The following NCOR1 variants were observed in gnomAD, a reference collection of about 807,000 sequenced individuals.
NCOR1 encodes the protein protein phosphatase 1, regulatory subunit 109.
A neutral mutation model predicts 288.1 loss-of-function variants in NCOR1; 63 were observed. The observed-to-expected ratio is 0.22, with a 90% confidence interval of 0.18 to 0.27. The LOEUF (loss-of-function observed/expected upper bound fraction) is 0.27. NCOR1 is among the 10% of genes least tolerant of loss of function. NCOR1 has a pLI of 1.00. For missense variants in NCOR1, 2,397 were observed against 3,019.2 expected (o/e 0.79, Z 4.83); for synonymous variants, 1,007 against 1,065.9 (o/e 0.94, Z 1.08).
chr17:16,145,450 G>A (rs2077773012), intron 10 of NCOR1, among the ~76,000 whole-genome samples: 1 of 127,310 alleles, frequency 7.9e-6, no homozygotes, highest in Non-Finnish European at 1.9e-5. Context: ...TCTGGGATGT[G>A]GGGAGTGCCT....
At chr17:16,097,973 T>C (rs1376604241) in intron 21 of NCOR1, among the ~76,000 whole-genome samples, 2 of 152,100 alleles carry the variant, frequency 1.3e-5, no homozygotes, top group Non-Finnish European at 2.9e-5. Context: ...GGAGAATTCG[T>C]TGGTGTGAGG....
At chr17:16,040,856 T>C in intron 42 of NCOR1, 1 of 222,506 alleles carries the variant, frequency 4.5e-6, no homozygotes, top group Non-Finnish European at 9.0e-6. Flanking sequence ...ACAGTGAGAC[T>C]CTCCCATCTG....
In NCOR1 at chr17:16,101,651, T is replaced by G. The variant is rs2152998298; in HGVS notation, c.2289A>C (p.Thr763=). 6.2e-7 allele frequency: 1 copy of G among 1,614,202 alleles called. No individual in the cohort carries two copies. The highest frequency in any genetic ancestry group is 1.6e-4 in the Middle Eastern group (1 of 6,062). ...LEPTTETAPS[T]SPSLAVPSTK... is the part of the protein sequence containing the mutation. ...TACTTGGAACTGCTAAGGAGGGAGA[T>G]GTACTGGGTGCAGTTTCCGTGGTGG... is the stretch of plus-strand genomic sequence containing the variant. The change falls in exon 20 of 46, where the codon ACA becomes ACC. Residue 763 remains threonine (T), a synonymous_variant. Transcript: ENST00000268712.
chr17:16,073,745 T>C (rs1238686495), intron 27 of NCOR1, among the ~76,000 whole-genome samples, 176 bp from the exon 28 acceptor site: 2 of 152,270 alleles, frequency 1.3e-5, no homozygotes, highest in East Asian at 3.8e-4. Context: ...CAAATGTGTT[T>C]ATTGATGCCT....
At chr17:16,102,606 T>C (rs1185451587) in intron 19 of NCOR1, among the ~76,000 whole-genome samples, 1 of 151,992 alleles carries the variant, frequency 6.6e-6, no homozygotes, top group African/African-American at 2.4e-5. Flanking sequence ...TAATTTTTTT[T>C]TTTTGGAGGC....
chr17:16,072,180 T>C lies in NCOR1; in HGVS notation c.3860A>G (p.Lys1287Arg). 1.9e-6 allele frequency: 3 copies of C among 1,612,744 alleles called. No homozygotes were observed. The South Asian group carries it at 3.3e-5, about 18-fold the overall frequency. Residue 1287 changes from lysine to arginine, a missense_variant, in exon 29 of 46, where the codon AAA becomes AGA. Lys to Arg is a conservative substitution (Grantham distance 26, BLOSUM62 2). This residue lies in a region of NCOR1 where 1,872 missense variants were observed against 2,187.8 expected (regional missense o/e 0.86). Coordinates refer to ENST00000268712, the MANE Select transcript of NCOR1 (RefSeq NM_006311.4). ...GGAGCCAGACAATACAGTCCTTTCT[T>C]TGAGGTCAGAATGAGGACTCCCCCT... ...LPRGSPHSDLKERTVLSGSIM... is the reference protein window; with the variant it reads ...LPRGSPHSDLRERTVLSGSIM...
At chr17:16,070,086 T>A (rs2152718954) in intron 31 of NCOR1, 79 bp downstream of exon 31, 1 of 1,484,606 alleles carries the variant, frequency 6.7e-7, no homozygotes, top group Non-Finnish European at 9.0e-7. Flanking sequence ...CAATTTGATA[T>A]TTACTACTTG....
In NCOR1 at chr17:16,068,070, G is replaced by T. The variant is rs2061333141; in HGVS notation, c.4565C>A (p.Thr1522Asn). Residue 1522 changes from threonine (T) to asparagine (N), a missense_variant, in exon 32 of 46, where the codon ACC (threonine) becomes AAC (asparagine). Thr to Asn is a moderately conservative substitution (Grantham distance 65, BLOSUM62 0). This residue lies in a region of NCOR1 where 1,872 missense variants were observed against 2,187.8 expected (regional missense o/e 0.86). Coordinates refer to ENST00000268712, the MANE Select transcript of NCOR1 (RefSeq NM_006311.4). ...TGGGATACTTTCCCTCTGGGTAGGG[G>T]TCAGTGTCGATTTCCTTTCATGATT... ...STNHERKSTLTPTQRESIPAK... is the reference protein window; with the variant it reads ...STNHERKSTLNPTQRESIPAK... The T allele has an allele frequency of 6.2e-7, 1 of 1,613,996 alleles. No individual in the cohort carries two copies. Among genetic ancestry groups the T allele is most frequent in the Non-Finnish European group, 8.5e-7 (1 of 1,179,996 alleles).
At chr17:16,141,229 A>G (rs1425615366) in intron 11 of NCOR1, among the ~76,000 whole-genome samples, 1 of 152,160 alleles carries the variant, frequency 6.6e-6, no homozygotes, top group Non-Finnish European at 1.5e-5. Context: ...AATGCACTGA[A>G]AAGCTTGAGT....
chr17:16,203,257 G>A (rs116544174), intron 1 of NCOR1, among the ~76,000 whole-genome samples: 2,862 of 152,222 alleles, frequency 0.019, 59 homozygotes, highest in East Asian at 0.05. Flanking sequence ...CCTACGCACC[G>A]CAAATAAAGT....
chr17:16,051,185 C>T (rs2059268476), intron 40 of NCOR1, among the ~76,000 whole-genome samples: 1 of 152,144 alleles, frequency 6.6e-6, no homozygotes, highest in South Asian at 2.1e-4. Flanking sequence ...CATACTTCAG[C>T]CTTTTATATT....
At chr17:16,145,356 G>A (rs973943080) in intron 10 of NCOR1, among the ~76,000 whole-genome samples, 7 of 150,844 alleles carry the variant, frequency 4.6e-5, no homozygotes, top group Non-Finnish European at 7.4e-5. Flanking sequence ...CTGCCTGGAC[G>A]CCCATCGTCT....
chr17:16,067,905 G>A lies in NCOR1; in HGVS notation c.4730C>T (p.Ala1577Val), dbSNP rs762195093. The A allele has an allele frequency of 1.9e-6, 3 of 1,613,432 alleles. No individual in the cohort carries two copies. The highest frequency in any genetic ancestry group is 1.1e-5 in the South Asian group (1 of 90,960). Residue 1577 changes from alanine (A) to valine (V), a missense_variant, in exon 32 of 46, where the codon GCT becomes GTT. Around this residue, in one of 11 missense-constraint regions of NCOR1, gnomAD observed 1,872 missense variants for 2,187.8 expected, o/e 0.86. Coordinates refer to ENST00000268712, the MANE Select transcript of NCOR1 (RefSeq NM_006311.4). ...TATTTTGTGTTTACCAGGATCCAAAGCCCTGTGAAAAGGCATGGCTGGATC... is the reference window on the plus strand; with the variant it reads ...TATTTTGTGTTTACCAGGATCCAAAACCCTGTGAAAAGGCATGGCTGGATC... ...HLDPAMPFHR[A>V]LDPAAAAYLF...
At chr17:16,046,312 T>G (rs571859491) in intron 42 of NCOR1, among the ~76,000 whole-genome samples, 2 of 152,318 alleles carry the variant, frequency 1.3e-5, no homozygotes, top group Non-Finnish European at 2.9e-5. Context: ...ACATCAACGT[T>G]CATACTAAGT....
chr17:16,146,006 G>C (rs992681469), intron 10 of NCOR1, among the ~76,000 whole-genome samples: 2 of 152,044 alleles, frequency 1.3e-5, no homozygotes, highest in African/African-American at 4.8e-5. Flanking sequence ...CCCCAACCCC[G>C]TGCTCTCTGA....
At chr17:16,101,088 GTTAT>G (rs759539632) in intron 20 of NCOR1, among the ~76,000 whole-genome samples, 158 bp downstream of exon 20, 65 of 152,204 alleles carry the variant, frequency 4.3e-4, no homozygotes, top group Non-Finnish European at 8.2e-4. Flanking sequence ...ATAGTTTGTG[GTTAT>G]TTAAACAGAA....
At chr17:16,045,031 T>G in intron 42 of NCOR1, 1 of 421,066 alleles carries the variant, frequency 2.4e-6, no homozygotes, top group South Asian at 2.3e-5. Flanking sequence ...CAGACTATGG[T>G]CTACCCAAAG....
Position 16,031,123 on chromosome 17 carries a change from T to A in NCOR1, c.*1173A>T, listed in dbSNP as rs1055763473. Reference sequence around the variant, plus strand: ...TTAGTTTAGAATTCAGTCTTTTAAATTATTTGCACCTTGAGACTCTGTGAA... The same window carrying A: ...TTAGTTTAGAATTCAGTCTTTTAAAATATTTGCACCTTGAGACTCTGTGAA... On this transcript the variant is annotated 3_prime_UTR_variant, in exon 46 of 46. Coordinates refer to ENST00000268712, the MANE Select transcript of NCOR1 (RefSeq NM_006311.4). The A allele has an allele frequency of 5.2e-6, 1 of 194,080 alleles. No individual in the cohort carries two copies. The highest frequency in any genetic ancestry group is 2.3e-5 in the African/African-American group (1 of 43,202). 12.0% of individuals were successfully genotyped at this position (194,080 alleles called of 1,614,324 possible).
intron 28 of NCOR1, 132 bp downstream of exon 28, chr17:16,073,297 T>C (rs1567843143): frequency 2.6e-6 from 2 of 770,996 alleles, no homozygotes; most frequent in Non-Finnish European, 3.8e-6. Context: ...ATGACAGAAA[T>C]TGCATACAAC....
Sources: allele counts gnomAD v4.1 joint callset (sites outside exome capture counted in the v4.1 genomes callset), GRCh38; gene constraint gnomAD v4.1.1; regional missense constraint gnomAD v4.1.1; transcripts MANE v1.5; gene names NCBI Gene and HGNC (gene_info 2026-07-23, HGNC 2026-07-21).